The following NOS1 variants were observed in gnomAD, a reference collection of about 807,000 sequenced individuals.
NOS1 encodes the protein nitric oxide synthase 1.
Under a neutral mutation model 164.5 loss-of-function variants are expected in NOS1, and 51 were observed. The observed-to-expected ratio is 0.31, with a 90% CI of 0.25 to 0.39. NOS1 has a LOEUF of 0.39. NOS1 is among the 10% of genes least tolerant of loss of function. The pLI is 1.00. For synonymous variants in NOS1, 719 were observed against 745.8 expected (o/e 0.96, Z 0.59); for missense variants, 1,362 against 1,885.6 (o/e 0.72, Z 5.14).
chr12:117,243,206 GC>G lies in NOS1; in HGVS notation c.2962+90del. 1.0e-5 allele frequency: 15 copies of G among 1,499,598 alleles called. No homozygotes were observed. Among genetic ancestry groups the G allele is most frequent in the Non-Finnish European group, 1.4e-5 (15 of 1,099,166 alleles). 92.9% of individuals were successfully genotyped at this position (1,499,598 alleles called of 1,614,324 possible). On this transcript the variant is annotated intron_variant, in intron 19 of 28. Transcript: ENST00000317775. This position sits in a 1 kb window ranked among gnomAD's most constrained non-coding sequence, Gnocchi z 4.3. ...ACTAAAGGGAGATCAAAGCAATGAA[GC>G]CCATCTTCTCTAAGCACCTTCTGGA... is the stretch of plus-strand genomic sequence containing the variant.
chr12:117,208,423 G>A lies in NOS1; in HGVS notation c.*6886C>T. ...GTGTGTGTGTGTGTGTGTGTGTGTGGTGAGATGCGACCAGGTCTGCCCACC... is the reference window on the plus strand; with the variant it reads ...GTGTGTGTGTGTGTGTGTGTGTGTGATGAGATGCGACCAGGTCTGCCCACC... On this transcript the variant is annotated 3_prime_UTR_variant, in exon 29 of 29. Coordinates refer to ENST00000317775, the MANE Select transcript of NOS1 (RefSeq NM_000620.5). 6 of 830,926 alleles carry A rather than the reference G, an allele frequency of 7.2e-6. No homozygotes were observed. The highest frequency in any genetic ancestry group is 8.6e-6 in the Non-Finnish European group (6 of 698,704). The allele number at this position is 830,926 out of a possible 1,614,324, so 51.5% of individuals were successfully genotyped here.
chr12:117,316,644 G>T (rs1163394607), intron 2 of NOS1, among the ~76,000 whole-genome samples: 2 of 152,158 alleles, frequency 1.3e-5, no homozygotes, highest in Non-Finnish European at 2.9e-5. Context: ...TAGGTAATTT[G>T]TCAAAGGTCA....
chr12:117,269,905 GC>G (rs1187851334), intron 10 of NOS1, among the ~76,000 whole-genome samples: 6 of 152,124 alleles, frequency 3.9e-5, no homozygotes, highest in Non-Finnish European at 8.8e-5. Flanking sequence ...AGCTCATGAG[GC>G]CCCTGCCAGA....
intron 1 of NOS1, among the ~76,000 whole-genome samples, chr12:117,345,383 G>C (rs1343483180): frequency 6.6e-6 from 1 of 152,012 alleles, no homozygotes; most frequent in Non-Finnish European, 1.5e-5. Flanking sequence ...TTGCCCAACA[G>C]TCAAATATTG....
Position 117,243,560 on chromosome 12 carries a change from T to TCCATCCAA in NOS1, c.2824-126_2824-125insTTGGATGG. 1 of 745,270 alleles carries TCCATCCAA rather than the reference T, an allele frequency of 1.3e-6. No individual in the cohort carries two copies. Among genetic ancestry groups the TCCATCCAA allele is most frequent in the South Asian group, 1.8e-5 (1 of 54,126 alleles). 46.2% of individuals were successfully genotyped at this position (745,270 alleles called of 1,614,324 possible). On this transcript the variant is annotated intron_variant, in intron 18 of 28. Transcript: ENST00000317775. This position sits in a 1 kb window ranked among gnomAD's most constrained non-coding sequence, Gnocchi z 4.3. ...ATCCATCTATCCAACCATCCATCCA[T>TCCATCCAA]CCATCCATCCATCCATCCATCCATC...
chr12:117,287,750 CTTTAA>C (rs1231399517), intron 5 of NOS1, among the ~76,000 whole-genome samples: 1 of 152,128 alleles, frequency 6.6e-6, no homozygotes, highest in Non-Finnish European at 1.5e-5. Flanking sequence ...CTTGTTAGTT[CTTTAA>C]TTTAATTTTT....
In NOS1 at chr12:117,212,565, C is replaced by T. The variant is rs185817085; in HGVS notation, c.*2744G>A. On this transcript the variant is annotated 3_prime_UTR_variant, in exon 29 of 29. Transcript: ENST00000317775. ...GTTCCGGTGTTCCTATTTCAGGAGA[C>T]GTCTCATTCCTCCTGGCCAAACTCA... is the stretch of plus-strand genomic sequence containing the variant. The T allele has an allele frequency of 1.0e-4, 103 of 985,432 alleles. No homozygotes were observed. Among genetic ancestry groups the T allele is most frequent in the African/African-American group, 8.5e-4 (49 of 57,354 alleles). The allele number at this position is 985,432 out of a possible 1,614,324, so 61.0% of individuals were successfully genotyped here. A position where few individuals can be genotyped will look rare whatever the true frequency, so the allele number is the denominator to read the frequency against.
chr12:117,221,661 TC>T (rs1198503747), intron 26 of NOS1, among the ~76,000 whole-genome samples: 19 of 151,670 alleles, frequency 1.3e-4, no homozygotes, highest in Admixed American at 1.2e-3. Context: ...AGAGACAGAG[TC>T]TTGGTCTGTT....
At chr12:117,342,902 G>A (rs945451845) in intron 1 of NOS1, among the ~76,000 whole-genome samples, 2 of 152,070 alleles carry the variant, frequency 1.3e-5, no homozygotes, top group African/African-American at 2.4e-5. Context: ...TTACAAGATT[G>A]AGTCAACAAG....
At chr12:117,224,293 AT>A (rs1868456228) in intron 25 of NOS1, among the ~76,000 whole-genome samples, 2 of 151,340 alleles carry the variant, frequency 1.3e-5, no homozygotes, top group Non-Finnish European at 2.9e-5. Flanking sequence ...TTTATATTTT[AT>A]TTTTTTTCTC....
intron 21 of NOS1, among the ~76,000 whole-genome samples, chr12:117,233,293 C>T (rs1869417563): frequency 6.6e-6 from 1 of 151,850 alleles, no homozygotes; most frequent in African/African-American, 2.4e-5. Flanking sequence ...AGGTGATCCA[C>T]CTGCCTCAGC....
In NOS1 at chr12:117,234,238, T is replaced by C. The variant is rs1444722538; in HGVS notation, c.3235+327A>G. 1.3e-5 allele frequency among the ~76,000 whole-genome samples: 2 copies of C among 152,200 alleles called. No homozygotes were observed. Among genetic ancestry groups the C allele is most frequent in the Non-Finnish European group, 2.9e-5 (2 of 68,032 alleles). ...GGTGGACAATGGGGTACTAGAGATT[T>C]TCCTGAGGGCTAGTGGTGAGGATGG... is the stretch of plus-strand genomic sequence containing the variant. On this transcript the variant is annotated intron_variant, in intron 21 of 28. Coordinates refer to ENST00000317775, the MANE Select transcript of NOS1 (RefSeq NM_000620.5). This position sits in a 1 kb window ranked among gnomAD's most constrained non-coding sequence, Gnocchi z 4.3.
chr12:117,314,818 G>T (rs571691045), intron 2 of NOS1, among the ~76,000 whole-genome samples: 1 of 152,130 alleles, frequency 6.6e-6, no homozygotes, highest in Admixed American at 6.5e-5. Flanking sequence ...TGTTGGCCAG[G>T]CTGGTCTCGA....
At position 117,213,228 on chromosome 12, in the gene NOS1, C is replaced by T. The variant is rs1956554500; in HGVS notation, c.*2081G>A. 2 of 985,272 alleles carry T rather than the reference C, an allele frequency of 2.0e-6. No homozygotes were observed. The highest frequency in any genetic ancestry group is 4.7e-5 in the South Asian group (1 of 21,286). 61.0% of individuals were successfully genotyped at this position (985,272 alleles called of 1,614,324 possible). A position where few individuals can be genotyped will look rare whatever the true frequency, so the allele number is the denominator to read the frequency against. On this transcript the variant is annotated 3_prime_UTR_variant, in exon 29 of 29. Coordinates refer to ENST00000317775, the MANE Select transcript of NOS1 (RefSeq NM_000620.5). ...GGGATTGGACACAACAGTTTCCTTC[C>T]CTGGGGAATTGGGGAGGCGTCTCCA...
chr12:117,298,681 G>A (rs996279560), intron 3 of NOS1, among the ~76,000 whole-genome samples: 8 of 152,140 alleles, frequency 5.3e-5, no homozygotes, highest in African/African-American at 1.7e-4. Flanking sequence ...CAGGGAGAGC[G>A]CCATGTGAAC....
At position 117,215,288 on chromosome 12, in the gene NOS1, C is replaced by T. The variant is rs766590529; in HGVS notation, c.*21G>A. ...TGTCCGCGCTTACAAAACTTGCAGCCGGCTGGGCAAGAGGGTCCAGTTAGG... is the reference window on the plus strand; with the variant it reads ...TGTCCGCGCTTACAAAACTTGCAGCTGGCTGGGCAAGAGGGTCCAGTTAGG... On this transcript the variant is annotated 3_prime_UTR_variant, in exon 29 of 29. Coordinates refer to ENST00000317775, the MANE Select transcript of NOS1 (RefSeq NM_000620.5). 7.2e-5 allele frequency: 111 copies of T among 1,546,608 alleles called. No homozygotes were observed. Among genetic ancestry groups the T allele is most frequent in the Non-Finnish European group, 9.0e-5 (103 of 1,145,986 alleles).
chr12:117,252,260 C>T (rs1249211941), intron 17 of NOS1, among the ~76,000 whole-genome samples: 1 of 152,140 alleles, frequency 6.6e-6, no homozygotes, highest in East Asian at 1.9e-4. Context: ...AGAATAATAA[C>T]ATTTTCTTTA....
At position 117,212,966 on chromosome 12, in the gene NOS1, TAAA is replaced by T. The variant is rs9658572; in HGVS notation, c.*2340_*2342del. On this transcript the variant is annotated 3_prime_UTR_variant, in exon 29 of 29. Transcript: ENST00000317775. ...TGTTGGGGATTGAAAGGTGTTTACT[TAAA>T]AAAAAATCTTTCTGGAGAAGAAGGA... 2,250 of 983,790 alleles carry T rather than the reference TAAA, an allele frequency of 2.3e-3. 42 individuals carry two copies. In the African/African-American group the frequency reaches 0.036, roughly 16 times the overall value. 60.9% of individuals were successfully genotyped at this position (983,790 alleles called of 1,614,324 possible).
rs78885224 is a variant in NOS1, at chr12:117,251,360, C to T, written c.2648+2278G>A. Among the ~76,000 whole-genome samples the T allele has an allele frequency of 4.2e-3, 632 of 152,172 alleles. 2 individuals are homozygous for T. Among genetic ancestry groups the T allele is most frequent in the African/African-American group, 0.015 (607 of 41,502 alleles). On this transcript the variant is annotated intron_variant, in intron 17 of 28. Coordinates refer to ENST00000317775, the MANE Select transcript of NOS1 (RefSeq NM_000620.5). ...GTTCACCAACAGATGATGATTCAGG[C>T]GGTTGATTCATTAATATTCTTCTTG...
Sources: allele counts gnomAD v4.1 joint callset (sites outside exome capture counted in the v4.1 genomes callset), GRCh38; gene constraint gnomAD v4.1.1; non-coding constraint Gnocchi (gnomAD v3.1); transcripts MANE v1.5; gene names NCBI Gene and HGNC (gene_info 2026-07-23, HGNC 2026-07-21).